Variants in CSNK1D observed in about 807,000 individuals in gnomAD.
CSNK1D encodes the protein casein kinase I isoform delta.
A neutral mutation model predicts 46.6 loss-of-function variants in CSNK1D; 16 were observed. The ratio of observed to expected loss-of-function variants is 0.34; its 90% confidence interval spans 0.23 to 0.52. The LOEUF (loss-of-function observed/expected upper bound fraction) is 0.52. Ranked by LOEUF, CSNK1D falls within the 20% of genes least tolerant of loss-of-function variation. The probability of loss-of-function intolerance (pLI) is 0.95; values close to 1 mark genes in which losing one functional copy is unlikely to be tolerated. For synonymous variants in CSNK1D, 276 were observed against 228.2 expected (o/e 1.21, Z -1.89); for missense variants, 398 against 578.4 (o/e 0.69, Z 3.20).
chr17:82,273,441 G>A lies in CSNK1D; in HGVS notation c.-60C>T, dbSNP rs1208608669. 9 of 1,594,046 alleles carry A rather than the reference G, an allele frequency of 5.6e-6. No individual in the cohort carries two copies. Among genetic ancestry groups the A allele is most frequent in the Admixed American group, 1.7e-5 (1 of 58,980 alleles). On this transcript the variant is annotated 5_prime_UTR_variant, in exon 1 of 9. Coordinates refer to ENST00000314028, the MANE Select transcript of CSNK1D (RefSeq NM_001893.6). The surrounding 1 kb of genome is among the most constrained non-coding windows in gnomAD (Gnocchi z 5.1). ...GCCGCTTCCTGGGTCTGAACTCTGG[G>A]AGGCGGCGCCGCTGCTGCCGCTACT...
Position 82,273,201 on chromosome 17 carries a change from G to T in CSNK1D, c.76+105C>A. 1 of 1,195,328 alleles carries T rather than the reference G, an allele frequency of 8.4e-7. No individual in the cohort carries two copies. Among genetic ancestry groups the T allele is most frequent in the Non-Finnish European group, 1.2e-6 (1 of 848,960 alleles). 74.0% of individuals were successfully genotyped at this position (1,195,328 alleles called of 1,614,324 possible). A position where few individuals can be genotyped will look rare whatever the true frequency, so the allele number is the denominator to read the frequency against. On this transcript the variant is annotated intron_variant, in intron 1 of 8. Coordinates refer to ENST00000314028, the MANE Select transcript of CSNK1D (RefSeq NM_001893.6). The surrounding 1 kb of genome is among the most constrained non-coding windows in gnomAD (Gnocchi z 5.1). ...ACGATCCGGCGGTGCCGGGACTTGC[G>T]CGGAGACCCCGCGGGGGCCACCACT... is the stretch of plus-strand genomic sequence containing the variant.
intron 1 of CSNK1D, chr17:82,266,799 G>C (rs539543244): frequency 6.6e-6 from 1 of 152,478 alleles, no homozygotes; most frequent in Non-Finnish European, 1.5e-5. Context: ...GGTGGCTCAC[G>C]CCTGTAATCC....
chr17:82,254,426 GA>G (rs2051108274), intron 3 of CSNK1D: 1 of 264,024 alleles, frequency 3.8e-6, no homozygotes, highest in African/African-American at 2.9e-5. Flanking sequence ...TGAGCCGCCG[GA>G]GCCTCGAGAA....
chr17:82,242,446 AAC>A (rs1451456993), downstream of CSNK1D, among the ~76,000 whole-genome samples: 1 of 152,170 alleles, frequency 6.6e-6, no homozygotes, highest in African/African-American at 2.4e-5. Context: ...CTGTGTGCAC[AAC>A]AGAGCCCAAG....
chr17:82,240,277 G>A (rs940916099), downstream of CSNK1D, among the ~76,000 whole-genome samples: 5 of 152,182 alleles, frequency 3.3e-5, no homozygotes, highest in South Asian at 4.1e-4. Flanking sequence ...CATGTGTCTC[G>A]GCAGAGTCCA....
downstream of CSNK1D, chr17:82,242,613 C>G (rs2050756878): frequency 1.0e-6 from 1 of 976,664 alleles, no homozygotes. Context: ...CACCTCAACA[C>G]AGTGAAAACT....
intron 3 of CSNK1D, chr17:82,253,458 CG>C: frequency 1.8e-6 from 1 of 570,188 alleles, no homozygotes; most frequent in South Asian, 1.8e-5. Flanking sequence ...CAGGCCTAGG[CG>C]CTTTGCCTTC....
At chr17:82,256,537 G>C (rs990784028) in intron 2 of CSNK1D, among the ~76,000 whole-genome samples, 4 of 150,996 alleles carry the variant, frequency 2.6e-5, no homozygotes, top group Non-Finnish European at 5.9e-5. Context: ...ATCCATTTTA[G>C]AAAAAATGGG....
At position 82,252,529 on chromosome 17, in the gene CSNK1D, T is replaced by G; in HGVS notation, c.641A>C (p.Gln214Pro). ...TCTCTTGGTGGCAGCCTTCAGCCCC[T>G]GCCAGGGGAGAGAGCCCAGGTTGAA... is the stretch of plus-strand genomic sequence containing the variant. ...MYFNLGSLPW[Q>P]GLKAATKRQK... Residue 214 changes from glutamine (Q) to proline (P), a missense_variant, in exon 5 of 9, where the codon CAG (glutamine) becomes CCG (proline). Gln to Pro is a moderately conservative substitution (Grantham distance 76, BLOSUM62 -1). This residue lies in a region of CSNK1D where 217 missense variants were observed against 370.3 expected (regional missense o/e 0.59). Coordinates refer to ENST00000314028, the MANE Select transcript of CSNK1D (RefSeq NM_001893.6). This position sits in a 1 kb window ranked among gnomAD's most constrained non-coding sequence, Gnocchi z 4.6. 1 of 1,614,034 alleles carries G rather than the reference T, an allele frequency of 6.2e-7. No homozygotes were observed. The highest frequency in any genetic ancestry group is 8.5e-7 in the Non-Finnish European group (1 of 1,179,988).
At chr17:82,260,231 T>TGATGTGACTGATGGTATACC (rs1568574622) in intron 2 of CSNK1D, among the ~76,000 whole-genome samples, 8 of 149,722 alleles carry the variant, frequency 5.3e-5, no homozygotes, top group South Asian at 2.1e-4. Flanking sequence ...GATGGTGTAC[T>TGATGTGACTGATGGTATACC]GAGTGATGTG....
At chr17:82,253,322 T>A in intron 3 of CSNK1D, 78 bp from the exon 4 acceptor site, 1 of 1,097,148 alleles carries the variant, frequency 9.1e-7, no homozygotes, top group Non-Finnish European at 1.4e-6. Flanking sequence ...GGACACTACA[T>A]CAGTGGCTGC....
chr17:82,269,122 A>T (rs2051553589), intron 1 of CSNK1D, among the ~76,000 whole-genome samples: 3 of 147,750 alleles, frequency 2.0e-5, no homozygotes, highest in Admixed American at 6.7e-5. Flanking sequence ...AAAAAAAAGC[A>T]GATGGTGAGT....
chr17:82,270,049 G>A (rs1465438009), intron 1 of CSNK1D, among the ~76,000 whole-genome samples: 1 of 152,242 alleles, frequency 6.6e-6, no homozygotes, highest in African/African-American at 2.4e-5. Flanking sequence ...GCGCTCCACA[G>A]GTGTGTGTGG....
In CSNK1D at chr17:82,256,305, G is replaced by A. The variant is rs151031346; in HGVS notation, c.188-728C>T. ...ACGGGAGGACTGCTTGAGCTCAGAA[G>A]TTCGAGACCAGCCTGGATAACAAAG... On this transcript the variant is annotated intron_variant, in intron 2 of 8. Coordinates refer to ENST00000314028, the MANE Select transcript of CSNK1D (RefSeq NM_001893.6). Among the ~76,000 whole-genome samples, 697 of 152,236 alleles carry A rather than the reference G, an allele frequency of 4.6e-3. 5 individuals are homozygous for A. Among genetic ancestry groups the A allele is most frequent in the African/African-American group, 0.014 (595 of 41,530 alleles).
At position 82,252,771 on chromosome 17, in the gene CSNK1D, C is replaced by A. The variant is rs751641250; in HGVS notation, c.566-167G>T. On this transcript the variant is annotated intron_variant, in intron 4 of 8. Coordinates refer to ENST00000314028, the MANE Select transcript of CSNK1D (RefSeq NM_001893.6). The surrounding 1 kb of genome is among the most constrained non-coding windows in gnomAD (Gnocchi z 4.6). ...ACCTCGGACACACATGCCCAGATCA[C>A]TCTCACCCAGAGCTGCCCCTCATGC... Among the ~76,000 whole-genome samples, 1 of 152,250 alleles carries A rather than the reference C, an allele frequency of 6.6e-6. No homozygotes were observed. Among genetic ancestry groups the A allele is most frequent in the Non-Finnish European group, 1.5e-5 (1 of 68,046 alleles).
In CSNK1D at chr17:82,243,441, A is replaced by C. The variant is rs1167027058; in HGVS notation, c.*1340T>G. The C allele has an allele frequency of 1.0e-6, 1 of 985,342 alleles. No homozygotes were observed. The highest frequency in any genetic ancestry group is 1.2e-6 in the Non-Finnish European group (1 of 829,992). 61.0% of individuals were successfully genotyped at this position (985,342 alleles called of 1,614,324 possible). A position where few individuals can be genotyped will look rare whatever the true frequency, so the allele number is the denominator to read the frequency against. On this transcript the variant is annotated 3_prime_UTR_variant, in exon 9 of 9. Transcript: ENST00000314028. ...TGAGAGGCGAGAAGGCATCCTGGGA[A>C]CCTCAGGGCACAGCAGCATGGAGCC...
intron 1 of CSNK1D, among the ~76,000 whole-genome samples, chr17:82,269,506 G>GA (rs2051563856): frequency 1.3e-5 from 2 of 152,322 alleles, no homozygotes; most frequent in Non-Finnish European, 2.9e-5. Context: ...TCAGTGAGGG[G>GA]AAAAACGTGT....
At chr17:82,240,406 C>A (rs550230430), downstream of CSNK1D, among the ~76,000 whole-genome samples, 35 of 152,336 alleles carry the variant, frequency 2.3e-4, no homozygotes, top group Non-Finnish European at 4.1e-4. Context: ...GGCACCCCCA[C>A]ATCAGGGCCA....
In CSNK1D at chr17:82,249,499, G is replaced by T. The variant is rs1130774; in HGVS notation, c.989C>A (p.Ala330Asp). The change falls in exon 7 of 9, where the codon GCC becomes GAC. Residue 330 changes from alanine (A) to aspartate (D), a missense_variant. By Grantham distance (126) the Ala-to-Asp change is moderately radical. Around this residue, in one of 2 missense-constraint regions of CSNK1D, gnomAD observed 181 missense variants for 208.0 expected, o/e 0.87. Coordinates refer to ENST00000314028, the MANE Select transcript of CSNK1D (RefSeq NM_001893.6). The surrounding 1 kb of genome is among the most constrained non-coding windows in gnomAD (Gnocchi z 6.7). ...NPATRGLPST[A>D]SGRLRGTQEV... ...CTGCGTCCCCCGCAGGCGGCCGGAG[G>T]CTGTGGAAGGGAGGCCGCGGGTAGC... 6.5e-7 allele frequency: 1 copy of T among 1,544,046 alleles called. No individual in the cohort carries two copies. The highest frequency in any genetic ancestry group is 1.2e-5 in the South Asian group (1 of 83,990).
Sources: gnomAD v4.1 joint callset for allele counts (sites outside exome capture counted in the v4.1 genomes callset) on GRCh38, gnomAD v4.1.1 for gene constraint, gnomAD v4.1.1 regional missense constraint, Gnocchi (gnomAD v3.1) non-coding constraint, MANE v1.5 for transcripts, NCBI Gene and HGNC (gene_info 2026-07-23, HGNC 2026-07-21) for gene names.